The following KIAA1217 variants were observed in gnomAD, a reference collection of about 807,000 sequenced individuals.
The protein encoded by KIAA1217 is KIAA1217.
In KIAA1217, 88 loss-of-function variants were observed where a neutral mutation model predicts 163.9. The observed-to-expected ratio is 0.54, with a 90% confidence interval of 0.45 to 0.64. The LOEUF (loss-of-function observed/expected upper bound fraction) is 0.64, where lower values mean the gene tolerates loss of function less well. Ranked by LOEUF, KIAA1217 falls within the 30% of genes least tolerant of loss-of-function variation. KIAA1217 has a pLI of 0.00. For synonymous variants in KIAA1217, 903 were observed against 923.1 expected, an observed-to-expected ratio of 0.98 and a Z score of 0.39; for missense variants, 2,372 against 2,475.0, an observed-to-expected ratio of 0.96 and a Z score of 0.88.
At chr10:24,403,413 A>T (rs1041965437) in intron 3 of KIAA1217, among the ~76,000 whole-genome samples, 2 of 151,944 alleles carry the variant, frequency 1.3e-5, no homozygotes, top group African/African-American at 4.8e-5. Context: ...TAATTTTTGT[A>T]TTTTTAGTAG....
chr10:23,705,465 G>A (rs1001285615), intron 1 of KIAA1217, among the ~76,000 whole-genome samples: 5 of 152,078 alleles, frequency 3.3e-5, no homozygotes, highest in African/African-American at 1.2e-4. Flanking sequence ...TTATTTTTAT[G>A]CATGTGGATA....
intron 1 of KIAA1217, among the ~76,000 whole-genome samples, chr10:23,920,426 T>C (rs1425844281): frequency 6.6e-6 from 1 of 152,192 alleles, no homozygotes; most frequent in African/African-American, 2.4e-5. Flanking sequence ...AATTTTGTTT[T>C]GAAGGCAACC....
intron 2 of KIAA1217, among the ~76,000 whole-genome samples, chr10:24,375,046 A>G (rs982055432): frequency 6.6e-6 from 1 of 152,148 alleles, no homozygotes; most frequent in African/African-American, 2.4e-5. Flanking sequence ...TAGGCCTCCC[A>G]AAGTTCTGGG....
chr10:24,369,386 G>A (rs1451080005), intron 2 of KIAA1217, among the ~76,000 whole-genome samples: 1 of 152,112 alleles, frequency 6.6e-6, no homozygotes, highest in Admixed American at 6.6e-5. Flanking sequence ...GAACCCACAA[G>A]AGTCCCTCTT....
chr10:24,457,398 G>A (rs1182682948), intron 5 of KIAA1217, among the ~76,000 whole-genome samples: 2 of 150,060 alleles, frequency 1.3e-5, no homozygotes, highest in Non-Finnish European at 3.0e-5. Context: ...GGGGGGAACA[G>A]GATCGTATTC....
rs150207503 is a variant in KIAA1217, at chr10:24,060,268, A to C, written c.-171+52894A>C. Among the ~76,000 whole-genome samples the C allele has an allele frequency of 2.7e-3, 411 of 151,968 alleles. 1 individual carries two copies. The highest frequency in any genetic ancestry group is 3.5e-3 in the Non-Finnish European group (237 of 67,958). On this transcript the variant is annotated intron_variant, in intron 2 of 18. Transcript: ENST00000376462. ...CTTAATGTAGGCATTTATCCCTATA[A>C]ATTTCTCTCTTAGCACTGTTTTTGC... is the stretch of plus-strand genomic sequence containing the variant.
intron 1 of KIAA1217, among the ~76,000 whole-genome samples, chr10:23,898,118 T>C (rs1300987316): frequency 6.6e-6 from 1 of 151,980 alleles, no homozygotes; most frequent in Non-Finnish European, 1.5e-5. Flanking sequence ...GCTACTCATA[T>C]TTTACTGAAC....
At position 24,244,807 on chromosome 10, in the gene KIAA1217, C is replaced by T. The variant is rs147773327; in HGVS notation, c.354+24898C>T. 4.7e-3 allele frequency among the ~76,000 whole-genome samples: 711 copies of T among 152,056 alleles called. 6 individuals carry two copies. Among genetic ancestry groups the T allele is most frequent in the African/African-American group, 0.016 (668 of 41,470 alleles). On this transcript the variant is annotated intron_variant, in intron 2 of 20. Transcript: ENST00000376454. ...CTCGAACTCCCGGCCTCAAGTGATC[C>T]GCCTGCCTCATCCTCTCAAAGTGCT...
intron 2 of KIAA1217, among the ~76,000 whole-genome samples, chr10:24,233,439 G>A (rs2131140628): frequency 6.6e-6 from 1 of 152,286 alleles, no homozygotes; most frequent in East Asian, 1.9e-4. Flanking sequence ...TTCAACATGA[G>A]ATTTGGAGGG....
At chr10:24,056,112 T>A (rs1374163132) in intron 2 of KIAA1217, among the ~76,000 whole-genome samples, 1 of 152,018 alleles carries the variant, frequency 6.6e-6, no homozygotes, top group African/African-American at 2.4e-5. Context: ...CCTCTCTCAA[T>A]CCCCTGTTGC....
At chr10:23,830,494 G>A (rs1838130293) in intron 1 of KIAA1217, among the ~76,000 whole-genome samples, 1 of 152,088 alleles carries the variant, frequency 6.6e-6, no homozygotes, top group Admixed American at 6.6e-5. Flanking sequence ...TTGCTTTTAA[G>A]AGCCTTCTGT....
intron 1 of KIAA1217, among the ~76,000 whole-genome samples, chr10:23,883,971 C>A (rs1373139628): frequency 6.6e-6 from 1 of 151,884 alleles, no homozygotes; most frequent in Non-Finnish European, 1.5e-5. Context: ...GAGTAATATC[C>A]TATTGTCTGG....
At chr10:23,977,089 G>A (rs998091015) in intron 1 of KIAA1217, among the ~76,000 whole-genome samples, 7 of 152,124 alleles carry the variant, frequency 4.6e-5, no homozygotes, top group African/African-American at 1.7e-4. Flanking sequence ...ATGGAATGAT[G>A]AGTATCCTTA....
At chr10:23,965,174 C>T (rs556810657) in intron 1 of KIAA1217, among the ~76,000 whole-genome samples, 1 of 152,206 alleles carries the variant, frequency 6.6e-6, no homozygotes, top group Non-Finnish European at 1.5e-5. Context: ...CAAACACACA[C>T]ACATGTATAA....
At chr10:23,875,349 G>C (rs1348139367) in intron 1 of KIAA1217, among the ~76,000 whole-genome samples, 1 of 151,962 alleles carries the variant, frequency 6.6e-6, no homozygotes, top group Non-Finnish European at 1.5e-5. Context: ...TATTGCATTG[G>C]GAAAATATAA....
chr10:24,009,567 C>A (rs989498394), intron 2 of KIAA1217, among the ~76,000 whole-genome samples: 1 of 152,170 alleles, frequency 6.6e-6, no homozygotes, highest in Admixed American at 6.6e-5. Context: ...CTGCATGTCA[C>A]ATGCTGTGCA....
At chr10:24,229,237 C>T (rs751907144) in intron 2 of KIAA1217, among the ~76,000 whole-genome samples, 10 of 152,216 alleles carry the variant, frequency 6.6e-5, no homozygotes, top group Non-Finnish European at 1.5e-4. Context: ...CAGTAAGTCG[C>T]AGCCTTTGGC....
chr10:23,714,541 G>A (rs1029798846), intron 1 of KIAA1217, among the ~76,000 whole-genome samples: 9 of 152,072 alleles, frequency 5.9e-5, no homozygotes, highest in Non-Finnish European at 1.0e-4. Flanking sequence ...GCTGCCTCAA[G>A]ATTCCTGCCT....
Position 24,209,183 on chromosome 10 carries a change from A to G in KIAA1217, c.-11A>G, listed in dbSNP as rs1326404419. On this transcript the variant is annotated 5_prime_UTR_variant, in exon 1 of 21. Transcript: ENST00000376454. The stretch of plus-strand genomic sequence containing the variant: ...CCAGAGAGCGAGGAGCTTTTGCGGC[A>G]GGCAGAGACAATGGAAGAAAATGAA... 1 of 1,613,572 alleles carries G rather than the reference A, an allele frequency of 6.2e-7. No individual in the cohort carries two copies.
Sources: gnomAD v4.1 joint callset for allele counts (sites outside exome capture counted in the v4.1 genomes callset) on GRCh38, gnomAD v4.1.1 for gene constraint, MANE v1.5 for transcripts, NCBI Gene and HGNC (gene_info 2026-07-23, HGNC 2026-07-21) for gene names.